The following PDE1C variants were observed in gnomAD, a reference collection of about 807,000 sequenced individuals.
PDE1C encodes the protein phosphodiesterase 1C.
PDE1C carries 62 observed loss-of-function variants against 93.1 expected under a neutral mutation model. That is an observed-to-expected ratio of 0.67 (90% CI 0.54 to 0.82). The LOEUF is 0.82. PDE1C is among the 40% of genes least tolerant of loss of function. The pLI, the probability that PDE1C is intolerant of heterozygous loss-of-function variation, is 0.00. For synonymous variants in PDE1C, 325 were observed against 310.1 expected (o/e 1.05, Z -0.50); for missense variants, 742 against 884.6 (o/e 0.84, Z 2.04).
chr7:31,654,869 T>C, the PDE1C span, among the ~76,000 whole-genome samples: 4 of 152,096 alleles, frequency 2.6e-5, no homozygotes, highest in African/African-American at 9.7e-5. Context: ...CCATCTCACA[T>C]CTTGCTTGCA....
intron 1 of PDE1C, among the ~76,000 whole-genome samples, chr7:32,347,092 T>C (rs2128081741): frequency 6.6e-6 from 1 of 152,302 alleles, no homozygotes; most frequent in South Asian, 2.1e-4. Context: ...TACACCTCAA[T>C]GAAGTTGTTT....
At chr7:32,077,832 A>G (rs1796438395) in intron 3 of PDE1C, 1 of 982,112 alleles carries the variant, frequency 1.0e-6, no homozygotes, top group Non-Finnish European at 1.2e-6. Context: ...GCCTCCCAAA[A>G]TGCTGGGATT....
intron 2 of PDE1C, among the ~76,000 whole-genome samples, chr7:31,974,184 A>G (rs964282200): frequency 3.3e-5 from 5 of 152,214 alleles, no homozygotes; most frequent in Non-Finnish European, 7.3e-5. Context: ...TTTATTAAAT[A>G]TCAATGCTGA....
intron 3 of PDE1C, among the ~76,000 whole-genome samples, chr7:32,120,173 G>T (rs113047491): frequency 0.047 from 7,082 of 152,272 alleles, 320 homozygotes; most frequent in South Asian, 0.23. Context: ...CCTTCCTCAC[G>T]GGGCAGGGCC....
At chr7:32,169,810 C>T (rs1428705886) in exon 3 of PDE1C, 1 of 1,612,660 alleles carries the variant, frequency 6.2e-7, no homozygotes, top group Non-Finnish European at 8.5e-7. Context: ...ACCAAGACTT[C>T]TGGGCTATCC....
intron 1 of PDE1C, among the ~76,000 whole-genome samples, chr7:32,236,100 T>A (rs1362256923): frequency 6.6e-6 from 1 of 152,110 alleles, no homozygotes; most frequent in Non-Finnish European, 1.5e-5. Flanking sequence ...CAAAAAAAAT[T>A]AACCTAGACC....
At chr7:32,342,650 C>T (rs1272454726) in intron 1 of PDE1C, among the ~76,000 whole-genome samples, 1 of 152,150 alleles carries the variant, frequency 6.6e-6, no homozygotes, top group Admixed American at 6.5e-5. Context: ...GGAGAAGAGT[C>T]TGAAGCAAGA....
At chr7:32,222,496 C>T (rs1031971887) in intron 1 of PDE1C, among the ~76,000 whole-genome samples, 1 of 152,190 alleles carries the variant, frequency 6.6e-6, no homozygotes, top group Admixed American at 6.5e-5. Context: ...AACTGTCCTC[C>T]TCTGTCCAGA....
chr7:32,136,133 G>T (rs1800193505), intron 3 of PDE1C, among the ~76,000 whole-genome samples: 2 of 152,162 alleles, frequency 1.3e-5, no homozygotes, highest in Admixed American at 1.3e-4. Flanking sequence ...AAATGGGGAT[G>T]TGTTGGTCAG....
At chr7:32,422,988 G>A (rs903734300) in intron 1 of PDE1C, among the ~76,000 whole-genome samples, 6 of 152,004 alleles carry the variant, frequency 3.9e-5, no homozygotes, top group African/African-American at 1.2e-4. Flanking sequence ...ATATCTACTC[G>A]CCCTCCCAGT....
At chr7:31,705,332 A>C in the PDE1C span, among the ~76,000 whole-genome samples, 1 of 152,178 alleles carries the variant, frequency 6.6e-6, no homozygotes, top group African/African-American at 2.4e-5. Context: ...ATTTTGGCTT[A>C]ATGTGAAGAG....
At chr7:31,628,386 A>G in the PDE1C span, among the ~76,000 whole-genome samples, 1 of 152,052 alleles carries the variant, frequency 6.6e-6, no homozygotes, top group Non-Finnish European at 1.5e-5. Context: ...ACTCTGATGG[A>G]GCCAGGAATC....
intron 3 of PDE1C, among the ~76,000 whole-genome samples, chr7:32,093,103 T>G (rs1413528083): frequency 1.3e-5 from 2 of 152,204 alleles, no homozygotes; most frequent in African/African-American, 2.4e-5. Context: ...TCTGTCTCAT[T>G]AAACTAAAGT....
chr7:31,660,045 C>G, the PDE1C span, among the ~76,000 whole-genome samples: 1 of 152,082 alleles, frequency 6.6e-6, no homozygotes, highest in Non-Finnish European at 1.5e-5. Flanking sequence ...GTGCATTTCC[C>G]CCTTTTTTTT....
intron 1 of PDE1C, among the ~76,000 whole-genome samples, chr7:32,058,458 T>A (rs1425663373): frequency 6.6e-6 from 1 of 152,300 alleles, no homozygotes. Context: ...CAAATAACCA[T>A]GAAATGAGTG....
intron 1 of PDE1C, among the ~76,000 whole-genome samples, chr7:32,226,210 G>A (rs555446584): frequency 6.6e-6 from 1 of 152,236 alleles, no homozygotes; most frequent in East Asian, 1.9e-4. Flanking sequence ...CTATCTGTCT[G>A]GCCCTGACTC....
intron 2 of PDE1C, among the ~76,000 whole-genome samples, chr7:32,178,289 C>G (rs1420887058): frequency 6.6e-6 from 1 of 152,138 alleles, no homozygotes; most frequent in Admixed American, 6.5e-5. Context: ...TCTGGTGAGT[C>G]TTTTGGAGTA....
chr7:31,804,362 T>C (rs763901376), intron 16 of PDE1C, among the ~76,000 whole-genome samples: 4 of 151,846 alleles, frequency 2.6e-5, no homozygotes, highest in Non-Finnish European at 5.9e-5. Context: ...CCCTGACTTG[T>C]GTGAGCATCA....
intron 17 of PDE1C, among the ~76,000 whole-genome samples, chr7:31,756,996 C>T (rs1794510082): frequency 6.6e-6 from 1 of 152,210 alleles, no homozygotes; most frequent in African/African-American, 2.4e-5. Flanking sequence ...ACCAGCTCTG[C>T]ACATCTCTTC....
Sources: gnomAD v4.1 joint callset for allele counts (sites outside exome capture counted in the v4.1 genomes callset) on GRCh38, gnomAD v4.1.1 for gene constraint, MANE v1.5 for transcripts, NCBI Gene and HGNC (gene_info 2026-07-23, HGNC 2026-07-21) for gene names.